The following GALNT17 variants were observed in gnomAD, a reference collection of about 807,000 sequenced individuals.
GALNT17 encodes the protein polypeptide N-acetylgalactosaminyltransferase 17.
GALNT17 carries 29 observed loss-of-function variants against 63.7 expected under a neutral mutation model. That is an observed-to-expected ratio of 0.46 (90% CI 0.34 to 0.62). GALNT17 has a LOEUF of 0.62. Among genes scored for constraint, GALNT17 ranks in the 20% least tolerant of loss-of-function variants. The pLI, the probability that GALNT17 is intolerant of heterozygous loss-of-function variation, is 0.01. For synonymous variants in GALNT17, 305 were observed against 318.3 expected (o/e 0.96, Z 0.45); for missense variants, 603 against 799.6 (o/e 0.75, Z 2.97).
At chr7:71,686,737 TGA>T (rs1207651674) in intron 9 of GALNT17, among the ~76,000 whole-genome samples, 4 of 152,028 alleles carry the variant, frequency 2.6e-5, no homozygotes, top group African/African-American at 9.7e-5. Context: ...GGACCATAGT[TGA>T]GAGAGTGTTC....
chr7:71,590,774 C>G (rs984133927), intron 6 of GALNT17, among the ~76,000 whole-genome samples: 2 of 152,140 alleles, frequency 1.3e-5, no homozygotes, highest in Non-Finnish European at 1.5e-5. Context: ...GTTGCCCAGG[C>G]TGGAGTGTAG....
chr7:71,330,340 A>C (rs1047650210), intron 1 of GALNT17, among the ~76,000 whole-genome samples: 2 of 151,690 alleles, frequency 1.3e-5, no homozygotes, highest in Non-Finnish European at 2.9e-5. Context: ...GAAGTCAAAC[A>C]GGAAACTTGA....
At chr7:71,298,643 G>T (rs1036822735) in intron 1 of GALNT17, among the ~76,000 whole-genome samples, 1 of 151,952 alleles carries the variant, frequency 6.6e-6, no homozygotes, top group African/African-American at 2.4e-5. Flanking sequence ...AAGGGTAAAG[G>T]TGTGTTCAGG....
At chr7:71,611,320 G>C (rs558492499) in intron 6 of GALNT17, among the ~76,000 whole-genome samples, 1 of 152,274 alleles carries the variant, frequency 6.6e-6, no homozygotes, top group South Asian at 2.1e-4. Flanking sequence ...CATTCCACGT[G>C]GACCCCATCC....
chr7:71,498,891 A>C (rs1788136101), intron 5 of GALNT17, among the ~76,000 whole-genome samples: 2 of 152,188 alleles, frequency 1.3e-5, no homozygotes. Context: ...GGTTTTGTGA[A>C]AATGTAGAAG....
At chr7:71,703,149 G>C (rs1791675849) in intron 9 of GALNT17, among the ~76,000 whole-genome samples, 1 of 152,252 alleles carries the variant, frequency 6.6e-6, no homozygotes, top group Non-Finnish European at 1.5e-5. Flanking sequence ...TATATCAACT[G>C]TACTCAGCAC....
chr7:71,375,086 C>G (rs1351083605), intron 2 of GALNT17, among the ~76,000 whole-genome samples: 3 of 151,922 alleles, frequency 2.0e-5, no homozygotes, highest in Admixed American at 6.6e-5. Context: ...ATGATCCACC[C>G]ACCTCGGCCT....
At chr7:71,583,516 C>G (rs1562700232) in intron 6 of GALNT17, among the ~76,000 whole-genome samples, 1 of 152,126 alleles carries the variant, frequency 6.6e-6, no homozygotes, top group African/African-American at 2.4e-5. Flanking sequence ...CCTTTTTCTT[C>G]CAGCTTTCAC....
intron 5 of GALNT17, among the ~76,000 whole-genome samples, chr7:71,434,204 C>T (rs1255142317): frequency 3.3e-5 from 5 of 152,246 alleles, no homozygotes; most frequent in South Asian, 2.1e-4. Context: ...CGGCTTATTG[C>T]GGGACTTCAC....
At chr7:71,215,000 A>C (rs1585886940) in intron 1 of GALNT17, among the ~76,000 whole-genome samples, 1 of 152,272 alleles carries the variant, frequency 6.6e-6, no homozygotes, top group South Asian at 2.1e-4. Context: ...CATTGATTTG[A>C]TGTTTTGCAG....
intron 8 of GALNT17, among the ~76,000 whole-genome samples, chr7:71,670,876 C>T (rs1179865979): frequency 1.0e-5 from 1 of 97,708 alleles, no homozygotes; most frequent in Non-Finnish European, 2.0e-5. Flanking sequence ...TGTGGGCCTC[C>T]GGACTGTGTG....
intron 5 of GALNT17, among the ~76,000 whole-genome samples, chr7:71,449,174 G>A (rs898909892): frequency 1.0e-4 from 13 of 124,464 alleles, no homozygotes; most frequent in African/African-American, 2.4e-4. Context: ...GTGCAGTGGC[G>A]CGATCTTGGC....
intron 5 of GALNT17, among the ~76,000 whole-genome samples, chr7:71,542,307 A>G (rs139246052): frequency 2.6e-5 from 4 of 152,292 alleles, no homozygotes; most frequent in African/African-American, 9.6e-5. Flanking sequence ...ACATACATTT[A>G]AAGTATTAAC....
At chr7:71,681,248 G>A (rs1791257203) in intron 9 of GALNT17, among the ~76,000 whole-genome samples, 1 of 152,180 alleles carries the variant, frequency 6.6e-6, no homozygotes. Context: ...GATGCCGCTG[G>A]TTTGAGGAAA....
At chr7:71,257,959 C>T (rs1206653569) in intron 1 of GALNT17, among the ~76,000 whole-genome samples, 1 of 152,164 alleles carries the variant, frequency 6.6e-6, no homozygotes, top group Non-Finnish European at 1.5e-5. Flanking sequence ...TGTATTTGAC[C>T]TCTGCATTGG....
At chr7:71,409,047 C>CACAT (rs1374096018) in intron 3 of GALNT17, among the ~76,000 whole-genome samples, 1 of 149,084 alleles carries the variant, frequency 6.7e-6, no homozygotes, top group Non-Finnish European at 1.5e-5. Context: ...CACACACACA[C>CACAT]ACACATTTAA....
At chr7:71,404,409 A>G (rs562945254) in intron 3 of GALNT17, among the ~76,000 whole-genome samples, 32 of 152,176 alleles carry the variant, frequency 2.1e-4, no homozygotes, top group Non-Finnish European at 3.4e-4. Context: ...AAATGCTTTC[A>G]TACACAGCAA....
chr7:71,194,401 A>G (rs1789008433), intron 1 of GALNT17, among the ~76,000 whole-genome samples: 2 of 152,198 alleles, frequency 1.3e-5, no homozygotes, highest in South Asian at 4.1e-4. Flanking sequence ...AAAAGGGTAT[A>G]TGGGATCTTA....
intron 5 of GALNT17, among the ~76,000 whole-genome samples, chr7:71,492,864 G>T: frequency 6.6e-6 from 1 of 152,186 alleles, no homozygotes; most frequent in East Asian, 1.9e-4. Flanking sequence ...TTTGGGGGTG[G>T]ATTATGATGG....
Sources: gnomAD v4.1 joint callset for allele counts (sites outside exome capture counted in the v4.1 genomes callset) on GRCh38, gnomAD v4.1.1 for gene constraint, MANE v1.5 for transcripts, NCBI Gene and HGNC (gene_info 2026-07-23, HGNC 2026-07-21) for gene names.